The following TTC6 variants were observed in gnomAD, a reference collection of about 807,000 sequenced individuals.
TTC6 encodes tetratricopeptide repeat protein 6.
TTC6 carries 172 observed loss-of-function variants against 210.4 expected under a neutral mutation model. The ratio of observed to expected loss-of-function variants is 0.82; its 90% CI spans 0.72 to 0.93. TTC6 has a LOEUF of 0.93. TTC6 is among the 40% of genes least tolerant of loss of function. The pLI is 0.00. For synonymous variants in TTC6, 804 were observed against 819.6 expected (o/e 0.98, Z 0.32); for missense variants, 2,414 against 2,318.1 (o/e 1.04, Z -0.85).
At chr14:37,684,404 G>T (rs560524083) in intron 3 of TTC6, among the ~76,000 whole-genome samples, 1 of 152,186 alleles carries the variant, frequency 6.6e-6, no homozygotes, top group Admixed American at 6.6e-5. Flanking sequence ...CAGGGACAAG[G>T]GTCTTATCCT....
At chr14:37,652,577 G>A (rs2095715014) in intron 1 of TTC6, among the ~76,000 whole-genome samples, 1 of 152,136 alleles carries the variant, frequency 6.6e-6, no homozygotes, top group Non-Finnish European at 1.5e-5. Context: ...CATATAGTAT[G>A]ACTAGGCTTA....
intron 10 of TTC6, among the ~76,000 whole-genome samples, chr14:37,744,909 T>C (rs2095931348): frequency 6.6e-6 from 1 of 152,000 alleles, no homozygotes; most frequent in Non-Finnish European, 1.5e-5. Context: ...TTTGGGGTGA[T>C]AGCAACCAAA....
At position 37,648,441 on chromosome 14, in the gene TTC6, G is replaced by GTTTC. The variant is rs1442931239; in HGVS notation, c.939+25440_939+25443dup. Among the ~76,000 whole-genome samples, 3 of 152,214 alleles carry GTTTC rather than the reference G, an allele frequency of 2.0e-5. No individual in the cohort carries two copies. In the East Asian group the frequency reaches 5.8e-4, roughly 29 times the overall value. ...GGAAAAATGTTCTAGGTTACAGTATGTTTCTATACACTGATGATTTCTATT... is the reference window on the plus strand; with the variant it reads ...GGAAAAATGTTCTAGGTTACAGTATGTTTCTTTCTATACACTGATGATTTCTATT... On this transcript the variant is annotated intron_variant, in intron 1 of 30. Transcript: ENST00000553443.
At chr14:37,727,280 G>C (rs1169515915) in intron 7 of TTC6, among the ~76,000 whole-genome samples, 2 of 139,930 alleles carry the variant, frequency 1.4e-5, no homozygotes, top group Non-Finnish European at 3.1e-5. Context: ...TTCTATGTTG[G>C]TATTTTTCTA....
rs1294109788 is a variant in TTC6 at position 37,751,690 on chromosome 14, G to T, written c.3129+465G>T. Reference sequence around the variant, plus strand: ...CGTTCATTCACTCATTCGCTTGCTTGAAACTATTTATTTACTATTATAAAT... The same window carrying T: ...CGTTCATTCACTCATTCGCTTGCTTTAAACTATTTATTTACTATTATAAAT... On this transcript the variant is annotated intron_variant, in intron 13 of 30. Transcript: ENST00000553443. Among the ~76,000 whole-genome samples, 6 of 152,150 alleles carry T rather than the reference G, an allele frequency of 3.9e-5. No homozygotes were observed. In the South Asian group the frequency reaches 1.2e-3, roughly 32 times the overall value.
At chr14:37,634,188 A>T (rs530316570) in intron 1 of TTC6, among the ~76,000 whole-genome samples, 1 of 152,230 alleles carries the variant, frequency 6.6e-6, no homozygotes, top group Non-Finnish European at 1.5e-5. Context: ...CAGTTCCTCT[A>T]CCAAAGTACC....
exon 28 of TTC6, chr14:37,826,340 C>G: frequency 1.3e-6 from 2 of 1,595,794 alleles, no homozygotes; most frequent in Non-Finnish European, 8.5e-7. Flanking sequence ...ATTAATGCTG[C>G]CATGAAGGTA....
intron 2 of TTC6, among the ~76,000 whole-genome samples, chr14:37,616,805 G>A (rs1312212941): frequency 6.6e-6 from 1 of 151,222 alleles, no homozygotes; most frequent in Non-Finnish European, 1.5e-5. Flanking sequence ...CTGACAGCAG[G>A]CAATATTTTA....
At chr14:37,651,504 TC>T (rs1175731767) in intron 1 of TTC6, among the ~76,000 whole-genome samples, 2 of 146,104 alleles carry the variant, frequency 1.4e-5, no homozygotes, top group African/African-American at 5.0e-5. Context: ...AATTTTCCTT[TC>T]ATAAATATTG....
chr14:37,687,415 G>A (rs74720330), intron 3 of TTC6, among the ~76,000 whole-genome samples: 2,010 of 152,182 alleles, frequency 0.013, 43 homozygotes, highest in African/African-American at 0.046. Flanking sequence ...CACAAGTACT[G>A]CAACATGTAG....
intron 1 of TTC6, among the ~76,000 whole-genome samples, chr14:37,677,676 C>A (rs1487737869): frequency 1.3e-5 from 2 of 151,802 alleles, no homozygotes; most frequent in Non-Finnish European, 2.9e-5. Flanking sequence ...CTTTCTGGAA[C>A]CCCAATTAAA....
intron 5 of TTC6, among the ~76,000 whole-genome samples, chr14:37,702,020 T>C (rs768926331): frequency 6.6e-6 from 1 of 152,176 alleles, no homozygotes; most frequent in Non-Finnish European, 1.5e-5. Context: ...GGAATCTGCA[T>C]ATTCTTTTGT....
intron 14 of TTC6, among the ~76,000 whole-genome samples, chr14:37,765,753 G>A (rs1264156945): frequency 6.6e-6 from 1 of 151,846 alleles, no homozygotes; most frequent in Non-Finnish European, 1.5e-5. Flanking sequence ...ACTTCTTCAG[G>A]TTTCATTTAC....
intron 30 of TTC6, among the ~76,000 whole-genome samples, chr14:37,841,905 G>T (rs942444932): frequency 6.6e-6 from 1 of 152,072 alleles, no homozygotes; most frequent in Non-Finnish European, 1.5e-5. Flanking sequence ...CACAAACAAT[G>T]CCAACCTTTC....
intron 26 of TTC6, among the ~76,000 whole-genome samples, chr14:37,818,077 T>G (rs992070105): frequency 3.9e-5 from 6 of 152,178 alleles, no homozygotes; most frequent in Non-Finnish European, 8.8e-5. Context: ...TTTTTAAAAA[T>G]TATGCATTTT....
intron 26 of TTC6, among the ~76,000 whole-genome samples, chr14:37,823,168 G>A (rs1431264100): frequency 6.6e-6 from 1 of 152,096 alleles, no homozygotes; most frequent in Admixed American, 6.5e-5. Context: ...GGAGGATAGA[G>A]AGAGTTATCA....
intron 13 of TTC6, among the ~76,000 whole-genome samples, chr14:37,751,658 G>A (rs553780867): frequency 1.3e-5 from 2 of 152,136 alleles, no homozygotes; most frequent in East Asian, 1.9e-4. Context: ...TTACTGGTTC[G>A]TTCATACGTT....
At chr14:37,824,302 T>G (rs752686789) in intron 27 of TTC6, among the ~76,000 whole-genome samples, 1 of 152,200 alleles carries the variant, frequency 6.6e-6, no homozygotes, top group Non-Finnish European at 1.5e-5. Flanking sequence ...TAACATTTAT[T>G]TTACTAGCTT....
intron 14 of TTC6, among the ~76,000 whole-genome samples, chr14:37,769,375 T>C (rs954018035): frequency 5.3e-5 from 8 of 151,832 alleles, no homozygotes; most frequent in African/African-American, 1.9e-4. Context: ...TCAGAAGGAA[T>C]GGTACCAGTT....
Sources: allele counts gnomAD v4.1 joint callset (sites outside exome capture counted in the v4.1 genomes callset), GRCh38; gene constraint gnomAD v4.1.1; transcripts MANE v1.5; gene names NCBI Gene and HGNC (gene_info 2026-07-23, HGNC 2026-07-21).